Variants in DNAH5 observed in about 807,000 individuals in gnomAD.
The protein encoded by DNAH5 is axonemal beta dynein heavy chain 5.
In DNAH5, 372 loss-of-function variants were observed where a neutral mutation model predicts 518.2. That is an observed-to-expected ratio of 0.72 (90% CI 0.66 to 0.78). The LOEUF (loss-of-function observed/expected upper bound fraction) is 0.78, where lower values mean the gene tolerates loss of function less well. DNAH5 is among the 30% of genes least tolerant of loss of function. The pLI is 0.00. For missense variants in DNAH5, 5,523 were observed against 5,687.0 expected (o/e 0.97, Z 0.93); for synonymous variants, 2,039 against 2,025.9 (o/e 1.01, Z -0.17).
intron 11 of DNAH5, among the ~76,000 whole-genome samples, chr5:13,912,847 A>G (rs778782511): frequency 5.3e-5 from 8 of 151,854 alleles, no homozygotes; most frequent in Non-Finnish European, 1.2e-4. Flanking sequence ...TACATCAACT[A>G]CTCAAACTCA....
At chr5:13,730,946 C>T (rs1486087822) in intron 68 of DNAH5, among the ~76,000 whole-genome samples, 2 of 152,142 alleles carry the variant, frequency 1.3e-5, no homozygotes, top group African/African-American at 2.4e-5. Flanking sequence ...GTGATTTGCC[C>T]GCCTCAGCCT....
intron 69 of DNAH5, 146 bp downstream of exon 69, chr5:13,729,293 G>A (rs1344793818): frequency 6.6e-6 from 7 of 1,054,204 alleles, no homozygotes; most frequent in Admixed American, 1.9e-5. Context: ...GTGTAAGTGT[G>A]CTTTCAAGAA....
rs1377005153 is a variant in DNAH5 at position 13,871,549 on chromosome 5, A to T, written c.3598+15T>A. The stretch of plus-strand genomic sequence containing the variant: ...TGGCTAATTTATATAACTATATGAA[A>T]GAAAATGAACCAACCTGTGTACAGA... On this transcript the variant is annotated intron_variant, in intron 23 of 78. Coordinates refer to ENST00000265104, the MANE Select transcript of DNAH5 (RefSeq NM_001369.3). 1 of 1,606,524 alleles carries T rather than the reference A, an allele frequency of 6.2e-7. No individual in the cohort carries two copies. The highest frequency in any genetic ancestry group is 8.5e-7 in the Non-Finnish European group (1 of 1,173,454).
Position 13,900,203 on chromosome 5 carries a change from T to C in DNAH5, c.2259+3A>G, listed in dbSNP as rs1310045165. 3 of 1,610,408 alleles carry C rather than the reference T, an allele frequency of 1.9e-6. No homozygotes were observed. The highest frequency in any genetic ancestry group is 1.1e-5 in the South Asian group (1 of 90,996). ...ATGGGGGGAAAAAATAAAAGTAGTA[T>C]ACCTTCATGTTACTGAAGTTCCTTT... On this transcript the variant is annotated splice_donor_region_variant and intron_variant, in intron 15 of 78. Coordinates refer to ENST00000265104, the MANE Select transcript of DNAH5 (RefSeq NM_001369.3).
At chr5:13,884,901 C>A in intron 19 of DNAH5, 88 bp downstream of exon 19, 2 of 1,532,138 alleles carry the variant, frequency 1.3e-6, no homozygotes, top group South Asian at 1.1e-5. Flanking sequence ...AATGTACATG[C>A]ACGTGCACAC....
intron 5 of DNAH5, among the ~76,000 whole-genome samples, chr5:13,921,374 C>T (rs1159728949): frequency 6.6e-6 from 1 of 151,750 alleles, no homozygotes; most frequent in Admixed American, 6.6e-5. Flanking sequence ...CCCCTACATG[C>T]CTGATCTGGG....
intron 21 of DNAH5, 40 bp downstream of exon 21, chr5:13,882,688 A>C (rs942678504): frequency 1.3e-6 from 2 of 1,486,246 alleles, no homozygotes; most frequent in Non-Finnish European, 1.9e-6. Flanking sequence ...ATGAATGTTG[A>C]TTTACAATGC....
intron 32 of DNAH5, 32 bp downstream of exon 32, chr5:13,844,805 G>A: frequency 1.9e-6 from 3 of 1,614,002 alleles, no homozygotes; most frequent in Non-Finnish European, 2.5e-6. Flanking sequence ...AAGGTACGGT[G>A]ATTGTTGGCC....
chr5:13,848,296 C>T (rs983865399), intron 31 of DNAH5, among the ~76,000 whole-genome samples: 1 of 152,140 alleles, frequency 6.6e-6, no homozygotes, highest in Non-Finnish European at 1.5e-5. Flanking sequence ...GCTTTACTGA[C>T]GTTGGCGTTG....
chr5:13,795,040 C>A (rs1250409353), intron 47 of DNAH5, among the ~76,000 whole-genome samples: 1 of 152,178 alleles, frequency 6.6e-6, no homozygotes, highest in African/African-American at 2.4e-5. Context: ...AACTGGGACA[C>A]ATTTAAAGCA....
At chr5:13,706,515 C>T (rs1029636380) in intron 76 of DNAH5, among the ~76,000 whole-genome samples, 28 of 152,180 alleles carry the variant, frequency 1.8e-4, no homozygotes, top group Non-Finnish European at 4.4e-5. Flanking sequence ...TCTTTTCCTA[C>T]GTATTTTTTC....
intron 52 of DNAH5, among the ~76,000 whole-genome samples, chr5:13,785,740 A>G (rs1755882427): frequency 6.6e-6 from 1 of 152,122 alleles, no homozygotes; most frequent in African/African-American, 2.4e-5. Context: ...TACACTGGGG[A>G]TTTATATGAG....
rs1484857879 is a variant in DNAH5, at chr5:13,850,795, G to A, written c.4971C>T (p.Asn1657=). Residue 1657 remains asparagine, a synonymous_variant, in exon 31 of 79, where the codon AAC becomes AAT. Transcript: ENST00000265104. ...TGATCTTCACCCAAGATTTATCTAT[G>A]TTAGAAAACCGCTTGGCTTCCTATG... The part of the protein sequence containing the change: ...QLPKEAKRFS[N]IDKSWVKIMT... The A allele has an allele frequency of 1.2e-6, 2 of 1,614,166 alleles. No individual in the cohort carries two copies. The highest frequency in any genetic ancestry group is 1.7e-6 in the Non-Finnish European group (2 of 1,180,014).
chr5:13,753,603 T>C lies in DNAH5; in HGVS notation c.10556-54A>G, dbSNP rs142121977. 316 of 1,443,086 alleles carry C rather than the reference T, an allele frequency of 2.2e-4. 1 individual carries two copies. In the African/African-American group the frequency reaches 4.0e-3, roughly 18 times the overall value. 89.4% of individuals were successfully genotyped at this position (1,443,086 alleles called of 1,614,324 possible). A position where few individuals can be genotyped will look rare whatever the true frequency, so the allele number is the denominator to read the frequency against. On this transcript the variant is annotated intron_variant, in intron 62 of 78. Coordinates refer to ENST00000265104, the MANE Select transcript of DNAH5 (RefSeq NM_001369.3). ...TACTTTACGTTCATCCGTGTGATTG[T>C]ACAGCATATTAAAAATGAAAAAAAT...
At chr5:13,822,639 T>C (rs1414049698) in intron 40 of DNAH5, among the ~76,000 whole-genome samples, 1 of 152,240 alleles carries the variant, frequency 6.6e-6, no homozygotes, top group Non-Finnish European at 1.5e-5. Flanking sequence ...AACATTTTTT[T>C]CCAAACTCTT....
intron 9 of DNAH5, 46 bp downstream of exon 9, chr5:13,916,302 T>C: frequency 9.0e-7 from 1 of 1,108,714 alleles, no homozygotes; most frequent in Non-Finnish European, 1.4e-6. Context: ...AATTGATCAC[T>C]GGCAAAGAAA....
At chr5:13,733,235 T>G (rs932621309) in intron 68 of DNAH5, among the ~76,000 whole-genome samples, 6 of 152,182 alleles carry the variant, frequency 3.9e-5, no homozygotes, top group Non-Finnish European at 7.3e-5. Context: ...ATCAAGAAAG[T>G]GACAAAGCCA....
intron 1 of DNAH5, among the ~76,000 whole-genome samples, chr5:13,951,824 T>C (rs575760396): frequency 1.3e-5 from 2 of 152,288 alleles, no homozygotes; most frequent in East Asian, 3.9e-4. Context: ...CTGTGTTAGT[T>C]TTCATTAAAA....
At position 13,923,180 on chromosome 5, in the gene DNAH5, A is replaced by G. The variant is rs1053543956; in HGVS notation, c.438+100T>C. The G allele has an allele frequency of 2.1e-6, 3 of 1,460,072 alleles. No homozygotes were observed. In the African/African-American group the frequency reaches 4.2e-5, roughly 20 times the overall value. The allele number at this position is 1,460,072 out of a possible 1,614,324, so 90.4% of individuals were successfully genotyped here. ...TACTTCTCTGAAAGTAGTTTTAGAT[A>G]CTGTAGTGAATACAATGATTGTCTC... On this transcript the variant is annotated intron_variant, in intron 4 of 78. Transcript: ENST00000265104.
Sources: gnomAD v4.1 joint callset for allele counts (sites outside exome capture counted in the v4.1 genomes callset) on GRCh38, gnomAD v4.1.1 for gene constraint, MANE v1.5 for transcripts, NCBI Gene and HGNC (gene_info 2026-07-23, HGNC 2026-07-21) for gene names.